Variants in NDUFS4 observed in about 807,000 individuals in gnomAD.
The protein encoded by NDUFS4 is NADH dehydrogenase [ubiquinone] iron-sulfur protein 4, mitochondrial.
A neutral mutation model predicts 24.3 loss-of-function variants in NDUFS4; 28 were observed. That is an observed-to-expected ratio of 1.15 (90% confidence interval 0.85 to 1.58). The LOEUF is 1.58. Among genes scored for constraint, NDUFS4 ranks in the 40% most tolerant of loss-of-function variants. The pLI is 0.00. For synonymous variants in NDUFS4, 93 were observed against 69.7 expected, an observed-to-expected ratio of 1.34 and a Z score of -1.67; for missense variants, 223 against 207.9, an observed-to-expected ratio of 1.07 and a Z score of -0.45.
intron 2 of NDUFS4, among the ~76,000 whole-genome samples, chr5:53,632,576 C>A (rs879916367): frequency 1.3e-5 from 2 of 152,068 alleles, no homozygotes; most frequent in Non-Finnish European, 2.9e-5. Context: ...AATGCCAATC[C>A]CTACCTTTTC....
In NDUFS4 at chr5:53,637,795, A is replaced by G. The variant is rs1246959073; in HGVS notation, c.178-8438A>G. Among the ~76,000 whole-genome samples the G allele has an allele frequency of 2.0e-5, 3 of 152,052 alleles. No homozygotes were observed. The East Asian group carries it at 5.8e-4, about 29-fold the overall frequency. The stretch of plus-strand genomic sequence containing the variant: ...ATTAGTTTCTTCATTCGAGTTCTGG[A>G]AATTCTTATGCAGTCCAATGGTATA... On this transcript the variant is annotated intron_variant, in intron 2 of 4. Transcript: ENST00000296684.
At chr5:53,636,751 GT>G (rs1561378313) in intron 2 of NDUFS4, among the ~76,000 whole-genome samples, 5 of 152,224 alleles carry the variant, frequency 3.3e-5, no homozygotes, top group African/African-American at 1.2e-4. Flanking sequence ...TCTCGAATAG[GT>G]TAGCACCATC....
At chr5:53,609,191 G>C (rs1180514557) in intron 2 of NDUFS4, among the ~76,000 whole-genome samples, 1 of 152,178 alleles carries the variant, frequency 6.6e-6, no homozygotes, top group Non-Finnish European at 1.5e-5. Context: ...ACTTTGTTCA[G>C]ATCCATCAGA....
chr5:53,579,846 A>G (rs1281581495), intron 1 of NDUFS4, among the ~76,000 whole-genome samples: 1 of 152,206 alleles, frequency 6.6e-6, no homozygotes, highest in African/African-American at 2.4e-5. Flanking sequence ...GAGTCAGAGA[A>G]ATAGTGTAGA....
intron 1 of NDUFS4, among the ~76,000 whole-genome samples, chr5:53,586,919 G>C (rs1252460129): frequency 1.3e-5 from 2 of 151,868 alleles, no homozygotes; most frequent in Non-Finnish European, 2.9e-5. Flanking sequence ...CACTTCCCGG[G>C]TTCAAATGAT....
chr5:53,608,278 G>A (rs565868940), intron 2 of NDUFS4, among the ~76,000 whole-genome samples: 9 of 152,270 alleles, frequency 5.9e-5, no homozygotes, highest in South Asian at 4.1e-4. Context: ...TTAGGGAATC[G>A]TAATCATTTG....
chr5:53,644,881 T>C (rs1751813272), intron 2 of NDUFS4, among the ~76,000 whole-genome samples: 1 of 152,140 alleles, frequency 6.6e-6, no homozygotes, highest in African/African-American at 2.4e-5. Flanking sequence ...AAAATAACTT[T>C]AAAGAATTGG....
intron 3 of NDUFS4, among the ~76,000 whole-genome samples, chr5:53,657,736 C>T (rs963127845): frequency 7.2e-5 from 11 of 151,764 alleles, no homozygotes; most frequent in Non-Finnish European, 1.0e-4. Flanking sequence ...ACCAGCCTGG[C>T]CAACATAGTG....
chr5:53,636,286 A>G (rs1216042907), intron 2 of NDUFS4, among the ~76,000 whole-genome samples: 3 of 152,170 alleles, frequency 2.0e-5, no homozygotes, highest in African/African-American at 4.8e-5. Context: ...ATGAGTTGTG[A>G]TTTCTCTGAA....
intron 1 of NDUFS4, among the ~76,000 whole-genome samples, chr5:53,596,043 A>C (rs946024910): frequency 3.3e-5 from 5 of 152,226 alleles, no homozygotes; most frequent in Non-Finnish European, 5.9e-5. Context: ...GATTTTAAAC[A>C]AATTATCTTC....
chr5:53,560,643 T>C lies in NDUFS4; in HGVS notation c.-20T>C, dbSNP rs748172419. On this transcript the variant is annotated 5_prime_UTR_variant, in exon 1 of 5. Coordinates refer to ENST00000296684, the MANE Select transcript of NDUFS4 (RefSeq NM_002495.4). ...CTTGCGGTGATCCGTCCTTTCATCC[T>C]GGCGTTTGCCTGCAGCAAGATGGCG... is the stretch of plus-strand genomic sequence containing the variant. 4.3e-6 allele frequency: 7 copies of C among 1,614,264 alleles called. No individual in the cohort carries two copies. The highest frequency in any genetic ancestry group is 3.3e-5 in the South Asian group (3 of 91,088).
chr5:53,678,744 A>G (rs1024121208), intron 4 of NDUFS4, among the ~76,000 whole-genome samples: 53 of 152,192 alleles, frequency 3.5e-4, no homozygotes, highest in Admixed American at 3.3e-3. Flanking sequence ...TATTTCTTGC[A>G]AAATACATCC....
chr5:53,660,826 C>T (rs556303311), intron 4 of NDUFS4, among the ~76,000 whole-genome samples: 95 of 152,208 alleles, frequency 6.2e-4, no homozygotes, highest in African/African-American at 2.2e-3. Context: ...TCATATCCTT[C>T]GCCCACTTGT....
At chr5:53,589,242 A>G (rs1468680667) in intron 1 of NDUFS4, among the ~76,000 whole-genome samples, 2 of 152,250 alleles carry the variant, frequency 1.3e-5, no homozygotes, top group East Asian at 1.9e-4. Flanking sequence ...AAATTCTCGT[A>G]TGGTAGTCCC....
chr5:53,589,172 A>G (rs1184238883), intron 1 of NDUFS4, among the ~76,000 whole-genome samples: 1 of 152,206 alleles, frequency 6.6e-6, no homozygotes, highest in Non-Finnish European at 1.5e-5. Flanking sequence ...TGAAAATAGT[A>G]AACTCTCAAG....
chr5:53,635,481 C>G (rs1025155016), intron 2 of NDUFS4, among the ~76,000 whole-genome samples: 9 of 152,058 alleles, frequency 5.9e-5, no homozygotes, highest in African/African-American at 2.2e-4. Context: ...GATCATGCCA[C>G]TGCACCCTAA....
intron 4 of NDUFS4, among the ~76,000 whole-genome samples, chr5:53,675,733 A>G (rs746820828): frequency 1.3e-5 from 2 of 152,154 alleles, no homozygotes; most frequent in Non-Finnish European, 2.9e-5. Flanking sequence ...TTCTCACCCA[A>G]TAGAGAATAG....
At chr5:53,628,138 T>C (rs1751287281) in intron 2 of NDUFS4, among the ~76,000 whole-genome samples, 1 of 152,214 alleles carries the variant, frequency 6.6e-6, no homozygotes, top group Non-Finnish European at 1.5e-5. Context: ...ATTGAGATAA[T>C]CATGTGGTTT....
chr5:53,562,456 A>C (rs1180161014), intron 1 of NDUFS4, among the ~76,000 whole-genome samples: 1 of 152,210 alleles, frequency 6.6e-6, no homozygotes, highest in Non-Finnish European at 1.5e-5. Context: ...AATTATAGTA[A>C]TTGAAGTTGA....
Sources: gnomAD v4.1 joint callset for allele counts (sites outside exome capture counted in the v4.1 genomes callset) on GRCh38, gnomAD v4.1.1 for gene constraint, MANE v1.5 for transcripts, NCBI Gene and HGNC (gene_info 2026-07-23, HGNC 2026-07-21) for gene names.